Variants in HADHA observed in about 807,000 individuals in gnomAD.
The protein encoded by HADHA is hydroxyacyl-CoA dehydrogenase trifunctional multienzyme complex subunit alpha.
Under a neutral mutation model 91.3 loss-of-function variants are expected in HADHA, and 59 were observed. The ratio of observed to expected loss-of-function variants is 0.65; its 90% confidence interval spans 0.52 to 0.80. HADHA has a LOEUF of 0.80. Ranked by LOEUF, HADHA falls within the 30% of genes least tolerant of loss-of-function variation. The pLI is 0.00. For missense variants in HADHA, 800 were observed against 927.6 expected (o/e 0.86, Z 1.79); for synonymous variants, 320 against 338.9 (o/e 0.94, Z 0.61).
intron 10 of HADHA, among the ~76,000 whole-genome samples, chr2:26,211,621 T>C (rs1027754866): frequency 2.0e-5 from 3 of 152,244 alleles, no homozygotes; most frequent in African/African-American, 7.2e-5. Flanking sequence ...TATTCCACTA[T>C]CTGACAAAGT....
intron 4 of HADHA, among the ~76,000 whole-genome samples, chr2:26,235,923 C>T (rs1670737881): frequency 6.6e-6 from 1 of 152,202 alleles, no homozygotes; most frequent in African/African-American, 2.4e-5. Context: ...TGTAAAGCTG[C>T]CTTTAACAAT....
At chr2:26,231,838 G>A (rs1670630219) in intron 6 of HADHA, among the ~76,000 whole-genome samples, 4 of 151,936 alleles carry the variant, frequency 2.6e-5, no homozygotes, top group Admixed American at 2.6e-4. Flanking sequence ...GTGCAGTGGT[G>A]CACGCCTGTA....
intron 3 of HADHA, among the ~76,000 whole-genome samples, chr2:26,238,054 C>A (rs1670802732): frequency 6.6e-6 from 1 of 152,192 alleles, no homozygotes; most frequent in Admixed American, 6.5e-5. Flanking sequence ...GTGGCCCAGG[C>A]TGGAGTGCAG....
intron 14 of HADHA, among the ~76,000 whole-genome samples, chr2:26,196,390 C>G (rs1275108464): frequency 6.6e-6 from 1 of 152,158 alleles, no homozygotes; most frequent in Non-Finnish European, 1.5e-5. Context: ...AGGAATTAGC[C>G]TTTATTGATG....
chr2:26,225,163 T>C (rs1670457198), intron 7 of HADHA, among the ~76,000 whole-genome samples: 1 of 152,048 alleles, frequency 6.6e-6, no homozygotes, highest in Non-Finnish European at 1.5e-5. Context: ...TAAGAAATAA[T>C]ACCAACTCTA....
intron 11 of HADHA, among the ~76,000 whole-genome samples, chr2:26,208,225 T>C (rs1670013257): frequency 6.6e-6 from 1 of 152,140 alleles, no homozygotes; most frequent in South Asian, 2.1e-4. Flanking sequence ...TTCTGCATTG[T>C]GGTTGTTTTT....
chr2:26,209,740 G>C (rs372635243), intron 11 of HADHA, 40 bp downstream of exon 11: 1 of 985,358 alleles, frequency 1.0e-6, no homozygotes, highest in East Asian at 2.4e-5. Context: ...TTTGCACACA[G>C]TAAAATTCAC....
At chr2:26,209,156 A>AGTT (rs1375673795) in intron 11 of HADHA, among the ~76,000 whole-genome samples, 2 of 152,106 alleles carry the variant, frequency 1.3e-5, no homozygotes, top group African/African-American at 4.8e-5. Flanking sequence ...CTCCCTCCCT[A>AGTT]GTTGTGACAA....
intron 1 of HADHA, 95 bp from the exon 2 acceptor site, chr2:26,239,238 CA>C: frequency 3.5e-6 from 3 of 852,722 alleles, no homozygotes; most frequent in Non-Finnish European, 4.1e-6. Context: ...ATAACAACAA[CA>C]AAAACCCCAA....
intron 9 of HADHA, among the ~76,000 whole-genome samples, chr2:26,212,852 G>C (rs949311233): frequency 6.6e-6 from 1 of 152,152 alleles, no homozygotes; most frequent in Admixed American, 6.5e-5. Flanking sequence ...GAGAAGGAAA[G>C]ACAAAGCTTG....
chr2:26,234,380 A>G (rs754444020), intron 4 of HADHA, 25 bp from the exon 5 acceptor site: 1 of 1,604,730 alleles, frequency 6.2e-7, no homozygotes, highest in South Asian at 1.1e-5. Context: ...AAAGTAGAGA[A>G]CAGAGAAAAA....
chr2:26,193,500 T>C (rs1032316879), intron 17 of HADHA, 77 bp downstream of exon 17: 1 of 1,205,946 alleles, frequency 8.3e-7, no homozygotes, highest in South Asian at 1.2e-5. Context: ...CGAGGGCTTC[T>C]GTAACTCTTT....
At chr2:26,243,297 CAA>C (rs892446270) in intron 1 of HADHA, 2 of 151,964 alleles carry the variant, frequency 1.3e-5, no homozygotes, top group Non-Finnish European at 1.5e-5. Context: ...CGTTACTTTT[CAA>C]AAGTGTTGTG....
At chr2:26,235,809 A>C (rs1670733673) in intron 4 of HADHA, among the ~76,000 whole-genome samples, 1 of 152,266 alleles carries the variant, frequency 6.6e-6, no homozygotes, top group Non-Finnish European at 1.5e-5. Flanking sequence ...ACTGACACTA[A>C]AATATCATTT....
intron 14 of HADHA, among the ~76,000 whole-genome samples, chr2:26,195,486 G>A (rs2147754038): frequency 6.6e-6 from 1 of 151,570 alleles, no homozygotes; most frequent in Non-Finnish European, 1.5e-5. Context: ...CCAACAATCA[G>A]TGCCAAAACC....
At chr2:26,233,155 C>T (rs150762692) in intron 5 of HADHA, among the ~76,000 whole-genome samples, 152 of 152,278 alleles carry the variant, frequency 1.0e-3, no homozygotes, top group African/African-American at 3.4e-3. Context: ...AATGTTCACT[C>T]GCCCACTGCT....
In HADHA at chr2:26,216,335, T is replaced by G. The variant is rs920466226; in HGVS notation, c.677-1160A>C. Among the ~76,000 whole-genome samples the G allele has an allele frequency of 5.1e-4, 77 of 149,868 alleles. No homozygotes were observed. The East Asian group carries it at 8.8e-3, about 17-fold the overall frequency. ...TTGACCTATTTTTTTTTTTTTTTTT[T>G]TTTGAGATGGAGTCTCACTCTGTAA... On this transcript the variant is annotated intron_variant, in intron 7 of 19. Coordinates refer to ENST00000380649, the MANE Select transcript of HADHA (RefSeq NM_000182.5).
chr2:26,230,210 G>GGTCAACCAGTCC lies in HADHA; in HGVS notation c.646_657dup (p.Gly216_Asp219dup), dbSNP rs1316714458. 1.9e-6 allele frequency: 3 copies of GGTCAACCAGTCC among 1,604,650 alleles called. No individual in the cohort carries two copies. The highest frequency in any genetic ancestry group is 2.6e-6 in the Non-Finnish European group (3 of 1,171,560). ...CACTTACCCAGGGGTTCCACCAGTT[G>GGTCAACCAGTCC]GTCAACCAGTCCCATTTTCTTTGCC... On this transcript the variant is annotated inframe_insertion, in exon 7 of 20. Transcript: ENST00000380649.
At position 26,204,152 on chromosome 2, in the gene HADHA, G is replaced by A. The variant is rs1431777666; in HGVS notation, c.1130C>T (p.Ala377Val). 2 of 1,613,632 alleles carry A rather than the reference G, an allele frequency of 1.2e-6. No individual in the cohort carries two copies. The highest frequency in any genetic ancestry group is 4.5e-5 in the East Asian group (2 of 44,896). ...TAGCCCCTTATCCACGGAGACTTGG[G>A]CGATGCCTGCTCCCATCAGCCCTGC... ...LGAGLMGAGI[A>V]QVSVDKGLKT... The change falls in exon 12 of 20, where the codon GCC (alanine) becomes GTC (valine). Residue 377 changes from alanine (A) to valine (V), a missense_variant. Ala to Val is a moderately conservative substitution (Grantham distance 64, BLOSUM62 0). Coordinates refer to ENST00000380649, the MANE Select transcript of HADHA (RefSeq NM_000182.5).
Sources: gnomAD v4.1 joint callset for allele counts (sites outside exome capture counted in the v4.1 genomes callset) on GRCh38, gnomAD v4.1.1 for gene constraint, MANE v1.5 for transcripts, NCBI Gene and HGNC (gene_info 2026-07-23, HGNC 2026-07-21) for gene names.